The following MTHFD1L variants were observed in gnomAD, a reference collection of about 807,000 sequenced individuals.
MTHFD1L encodes the protein monofunctional C1-tetrahydrofolate synthase, mitochondrial.
In MTHFD1L, 81 loss-of-function variants were observed where a neutral mutation model predicts 119.5. The ratio of observed to expected loss-of-function variants is 0.68; its 90% CI spans 0.57 to 0.82. The LOEUF (loss-of-function observed/expected upper bound fraction) is 0.82. Among genes scored for constraint, MTHFD1L ranks in the 40% least tolerant of loss-of-function variants. The pLI, the probability that MTHFD1L is intolerant of heterozygous loss-of-function variation, is 0.00. For synonymous variants in MTHFD1L, 430 were observed against 475.2 expected (o/e 0.90, Z 1.24); for missense variants, 1,125 against 1,253.4 (o/e 0.90, Z 1.55).
Position 150,926,601 on chromosome 6 carries a change from A to G in MTHFD1L, c.1256+306A>G, listed in dbSNP as rs1248499403. On this transcript the variant is annotated intron_variant, in intron 11 of 27. Transcript: ENST00000367321. The surrounding 1 kb of genome is among the most constrained non-coding windows in gnomAD (Gnocchi z 4.3). ...ATTTCATTTTTCATTATAAAAATCAAAATAGGAATTGAAAGTAAACTATTT... is the reference window on the plus strand; with the variant it reads ...ATTTCATTTTTCATTATAAAAATCAGAATAGGAATTGAAAGTAAACTATTT... 5.3e-5 allele frequency among the ~76,000 whole-genome samples: 8 copies of G among 152,252 alleles called. No homozygotes were observed. Among genetic ancestry groups the G allele is most frequent in the African/African-American group, 1.9e-4 (8 of 41,464 alleles).
intron 17 of MTHFD1L, among the ~76,000 whole-genome samples, chr6:150,956,967 C>G (rs1795739749): frequency 6.6e-6 from 1 of 152,176 alleles, no homozygotes; most frequent in African/African-American, 2.4e-5. Flanking sequence ...AAACTGGAAT[C>G]ATTGCCATGA....
chr6:150,901,658 C>T (rs1297342942), intron 7 of MTHFD1L, among the ~76,000 whole-genome samples: 1 of 152,200 alleles, frequency 6.6e-6, no homozygotes, highest in Admixed American at 6.5e-5. Context: ...CCTCCCTGCC[C>T]TCCAGACCCT....
At chr6:151,022,669 C>T (rs1215445889) in intron 24 of MTHFD1L, among the ~76,000 whole-genome samples, 1 of 152,166 alleles carries the variant, frequency 6.6e-6, no homozygotes, top group Admixed American at 6.5e-5. Context: ...CTTTGACCTC[C>T]CCCGGCTCTC....
chr6:150,986,346 A>G (rs988800039), intron 20 of MTHFD1L, among the ~76,000 whole-genome samples: 1 of 152,220 alleles, frequency 6.6e-6, no homozygotes, highest in Non-Finnish European at 1.5e-5. Context: ...TCTAAATTGC[A>G]TTGTGATATA....
chr6:150,939,193 A>G (rs1258210233), intron 13 of MTHFD1L: 1 of 169,094 alleles, frequency 5.9e-6, no homozygotes, highest in Non-Finnish European at 1.3e-5. Context: ...CGAAGACTTG[A>G]CGCTTCCCCT....
In MTHFD1L at chr6:151,039,035, T is replaced by C. The variant is rs1036917457; in HGVS notation, c.2847+1918T>C. ...AAGGTCACCCTGGTGGGTTTAAGGA[T>C]ATGGGTGAAGGCAGTCGTTAAACAA... On this transcript the variant is annotated intron_variant, in intron 26 of 27. Transcript: ENST00000367321. The surrounding 1 kb of genome is among the most constrained non-coding windows in gnomAD (Gnocchi z 4.4). Among the ~76,000 whole-genome samples the C allele has an allele frequency of 4.6e-5, 7 of 152,148 alleles. No individual in the cohort carries two copies. Among genetic ancestry groups the C allele is most frequent in the Middle Eastern group, 3.4e-3 (1 of 294 alleles).
At chr6:150,937,773 C>T (rs750655747) in intron 12 of MTHFD1L, among the ~76,000 whole-genome samples, 5 of 152,000 alleles carry the variant, frequency 3.3e-5, no homozygotes, top group African/African-American at 7.3e-5. Flanking sequence ...ATGCTGAGAG[C>T]GGCACCAGGC....
chr6:151,025,541 C>T (rs745442052), intron 24 of MTHFD1L, among the ~76,000 whole-genome samples: 5 of 152,134 alleles, frequency 3.3e-5, no homozygotes, highest in Non-Finnish European at 7.4e-5. Flanking sequence ...ATGCAAAATA[C>T]GAATGGAAAT....
chr6:151,092,641 C>CT, intron 27 of MTHFD1L, 54 bp downstream of exon 27: 5 of 1,100,038 alleles, frequency 4.5e-6, no homozygotes, highest in African/African-American at 1.6e-5. Context: ...AGTTCATATC[C>CT]TTTTTTTGTC....
chr6:151,065,314 T>C (rs78239965), intron 26 of MTHFD1L, among the ~76,000 whole-genome samples: 12,957 of 152,204 alleles, frequency 0.085, 710 homozygotes, highest in Admixed American at 0.16. Context: ...CATCTTGACT[T>C]GCCTGCCCCA....
intron 19 of MTHFD1L, among the ~76,000 whole-genome samples, chr6:150,969,536 A>G (rs537286122): frequency 6.6e-6 from 1 of 150,464 alleles, no homozygotes; most frequent in East Asian, 1.9e-4. Context: ...AAGAGTCCTC[A>G]AACTGTTCAT....
chr6:150,949,378 A>G lies in MTHFD1L; in HGVS notation c.1726+245A>G, dbSNP rs147852083. Among the ~76,000 whole-genome samples the G allele has an allele frequency of 1.4e-4, 21 of 152,012 alleles. No homozygotes were observed. The East Asian group carries it at 3.9e-3, about 28-fold the overall frequency. On this transcript the variant is annotated intron_variant, in intron 16 of 27. Coordinates refer to ENST00000367321, the MANE Select transcript of MTHFD1L (RefSeq NM_015440.5). ...TACTCCTGTGTCTTCTAAATTTCCA[A>G]GGAAAATTACCTAATTTTCTCTTCT...
At chr6:150,905,036 C>CTTTTTTTTTTTTTTTTTTTTTTTTTTT (rs36039459) in intron 7 of MTHFD1L, among the ~76,000 whole-genome samples, 2 of 111,728 alleles carry the variant, frequency 1.8e-5, no homozygotes, top group African/African-American at 3.6e-5. Flanking sequence ...TTGTTTTCCT[C>CTTTTTTTTTTTTTTTTTTTTTTTTTTT]TTTTTTTTTT....
At chr6:150,899,122 A>G in intron 7 of MTHFD1L, 1 of 370,872 alleles carries the variant, frequency 2.7e-6, no homozygotes, top group South Asian at 1.1e-4. Context: ...TTTTCTTCTC[A>G]TATGTTGAGC....
intron 20 of MTHFD1L, among the ~76,000 whole-genome samples, chr6:151,000,428 T>C (rs1452352903): frequency 6.6e-6 from 1 of 152,172 alleles, no homozygotes; most frequent in East Asian, 1.9e-4. Flanking sequence ...TCTATATACT[T>C]CCTGGAAATT....
At chr6:150,979,945 A>G (rs1195776861) in intron 20 of MTHFD1L, among the ~76,000 whole-genome samples, 1 of 152,084 alleles carries the variant, frequency 6.6e-6, no homozygotes, top group East Asian at 1.9e-4. Context: ...AAACCAGACC[A>G]AACTAAACAT....
intron 18 of MTHFD1L, among the ~76,000 whole-genome samples, chr6:150,961,654 A>G (rs903364270): frequency 9.2e-5 from 14 of 152,204 alleles, no homozygotes; most frequent in South Asian, 8.3e-4. Flanking sequence ...ATTCTTTTTC[A>G]AAGTGTCCGG....
intron 1 of MTHFD1L, chr6:150,866,372 G>A (rs1013166675): frequency 2.8e-6 from 4 of 1,408,144 alleles, no homozygotes; most frequent in Non-Finnish European, 2.8e-6. Flanking sequence ...CAATCGCGCC[G>A]GGCGCGACCC....
At chr6:150,919,309 C>T (rs975716356) in intron 9 of MTHFD1L, among the ~76,000 whole-genome samples, 4 of 151,980 alleles carry the variant, frequency 2.6e-5, no homozygotes, top group Non-Finnish European at 5.9e-5. Context: ...CTGCAACCTC[C>T]ACCTCCTGGG....
Sources: allele counts gnomAD v4.1 joint callset (sites outside exome capture counted in the v4.1 genomes callset), GRCh38; gene constraint gnomAD v4.1.1; non-coding constraint Gnocchi (gnomAD v3.1); transcripts MANE v1.5; gene names NCBI Gene and HGNC (gene_info 2026-07-23, HGNC 2026-07-21).